MAGI1: variants seen among roughly 807,000 people sequenced by gnomAD.
The protein encoded by MAGI1 is membrane associated guanylate kinase, WW and PDZ domain containing 1, also known as membrane-associated guanylate kinase, WW and PDZ domain-containing protein 1.
Under a neutral mutation model 139.9 loss-of-function variants are expected in MAGI1, and 58 were observed. That is an observed-to-expected ratio of 0.41 (90% CI 0.34 to 0.52). The LOEUF is 0.52. Ranked by LOEUF, MAGI1 falls within the 20% of genes least tolerant of loss-of-function variation. MAGI1 has a pLI of 0.12. For missense variants in MAGI1, 1,874 were observed against 1,901.6 expected, an observed-to-expected ratio of 0.99 and a Z score of 0.27; for synonymous variants, 812 against 737.9, an observed-to-expected ratio of 1.10 and a Z score of -1.63.
chr3:65,832,553 A>G (rs1017741515), intron 1 of MAGI1, among the ~76,000 whole-genome samples: 3 of 152,172 alleles, frequency 2.0e-5, no homozygotes, highest in African/African-American at 7.2e-5. Context: ...AGACTCCTGG[A>G]TGAAGCTAGA....
intron 5 of MAGI1, 177 bp downstream of exon 5, chr3:65,470,106 G>T: frequency 1.1e-5 from 6 of 535,964 alleles, no homozygotes; most frequent in Non-Finnish European, 2.0e-5. Flanking sequence ...GTTGAGAATC[G>T]ATAAGTTGGT....
At chr3:65,523,364 A>G (rs1266395499) in intron 2 of MAGI1, among the ~76,000 whole-genome samples, 6 of 148,214 alleles carry the variant, frequency 4.0e-5, no homozygotes, top group Admixed American at 4.0e-4. Context: ...ACACCATTTA[A>G]TGTGGCAACC....
At chr3:65,601,612 A>G (rs1053018857) in intron 2 of MAGI1, among the ~76,000 whole-genome samples, 2 of 152,196 alleles carry the variant, frequency 1.3e-5, no homozygotes, top group Admixed American at 6.5e-5. Flanking sequence ...CCACCTCCAC[A>G]CCAAACACAA....
At chr3:65,929,509 AT>A (rs1216965663) in intron 1 of MAGI1, among the ~76,000 whole-genome samples, 1 of 151,856 alleles carries the variant, frequency 6.6e-6, no homozygotes, top group African/African-American at 2.4e-5. Flanking sequence ...TAATTTTTGT[AT>A]TTTTAGTAGA....
chr3:65,808,503 A>C (rs1261907429), intron 1 of MAGI1, among the ~76,000 whole-genome samples: 1 of 152,142 alleles, frequency 6.6e-6, no homozygotes, highest in Non-Finnish European at 1.5e-5. Context: ...GTCTCAAAAA[A>C]ACAAATAAAT....
rs1317514186 is a variant in MAGI1 at position 65,353,687 on chromosome 3, C to T, written c.*2691G>A. On this transcript the variant is annotated 3_prime_UTR_variant, in exon 23 of 23. Transcript: ENST00000402939. ...AACGGAGGGAGACAAATTCCTAAAT[C>T]GTTTGATTTCATCATACAAAATACT... The T allele has an allele frequency of 1.3e-5, 2 of 152,064 alleles. No individual in the cohort carries two copies. Among genetic ancestry groups the T allele is most frequent in the African/African-American group, 2.4e-5 (1 of 41,396 alleles). The allele number at this position is 152,064 out of a possible 1,614,324, so 9.4% of individuals were successfully genotyped here.
chr3:65,919,554 C>A (rs1044709589), intron 1 of MAGI1, among the ~76,000 whole-genome samples: 1 of 151,324 alleles, frequency 6.6e-6, no homozygotes, highest in South Asian at 2.1e-4. Flanking sequence ...AGAGCAAGAC[C>A]CTGTCTCAAA....
chr3:65,750,199 A>T (rs1021492347), intron 1 of MAGI1, among the ~76,000 whole-genome samples: 3 of 152,220 alleles, frequency 2.0e-5, no homozygotes, highest in African/African-American at 4.8e-5. Context: ...CCCCAAAGCA[A>T]CCATCCTATA....
At chr3:65,357,993 A>C (rs1940376827) in intron 22 of MAGI1, among the ~76,000 whole-genome samples, 1 of 152,052 alleles carries the variant, frequency 6.6e-6, no homozygotes, top group South Asian at 2.1e-4. Context: ...TACACATTTG[A>C]GATTGGATGG....
intron 1 of MAGI1, among the ~76,000 whole-genome samples, chr3:66,016,877 G>C (rs866209408): frequency 2.0e-5 from 3 of 152,184 alleles, no homozygotes; most frequent in Middle Eastern, 3.2e-3. Context: ...TACACTAATT[G>C]AGATAAGCCA....
At chr3:65,730,798 T>A (rs1176067008) in intron 1 of MAGI1, among the ~76,000 whole-genome samples, 1 of 152,148 alleles carries the variant, frequency 6.6e-6, no homozygotes, top group African/African-American at 2.4e-5. Flanking sequence ...AAAAAAGTAA[T>A]AGTTCATTTT....
intron 1 of MAGI1, among the ~76,000 whole-genome samples, chr3:65,936,435 C>A (rs1014008946): frequency 6.6e-6 from 1 of 151,936 alleles, no homozygotes; most frequent in South Asian, 2.1e-4. Flanking sequence ...GGCAGGAGTT[C>A]GAGACCAGCC....
At chr3:65,992,810 T>A (rs1345641478) in intron 1 of MAGI1, among the ~76,000 whole-genome samples, 1 of 152,122 alleles carries the variant, frequency 6.6e-6, no homozygotes, top group Non-Finnish European at 1.5e-5. Context: ...AATCTGGGCA[T>A]CATTTCGGCT....
intron 1 of MAGI1, among the ~76,000 whole-genome samples, chr3:65,683,749 G>A (rs1022306703): frequency 4.0e-5 from 6 of 151,580 alleles, no homozygotes; most frequent in African/African-American, 1.5e-4. Flanking sequence ...ACCACAATGA[G>A]AGCACTTCAC....
At chr3:65,619,338 A>C (rs1300439213) in intron 2 of MAGI1, among the ~76,000 whole-genome samples, 1 of 152,208 alleles carries the variant, frequency 6.6e-6, no homozygotes. Context: ...GTGTGCTATG[A>C]TGCACATACA....
At chr3:65,801,431 T>A (rs2040506629) in intron 1 of MAGI1, among the ~76,000 whole-genome samples, 1 of 152,198 alleles carries the variant, frequency 6.6e-6, no homozygotes. Flanking sequence ...GTCGCTTAAG[T>A]CTTAGATTCC....
At chr3:65,982,307 C>T (rs1346776425) in intron 1 of MAGI1, among the ~76,000 whole-genome samples, 5 of 152,128 alleles carry the variant, frequency 3.3e-5, no homozygotes, top group South Asian at 4.1e-4. Flanking sequence ...ATCTCTTGGC[C>T]GACATTTGGG....
chr3:66,007,402 C>G (rs1052719068), intron 1 of MAGI1, among the ~76,000 whole-genome samples: 2 of 152,152 alleles, frequency 1.3e-5, no homozygotes, highest in African/African-American at 4.8e-5. Context: ...AGCAGGAAAG[C>G]TGAGCAACAC....
At chr3:65,416,695 C>T (rs151127898) in intron 12 of MAGI1, among the ~76,000 whole-genome samples, 154 of 152,196 alleles carry the variant, frequency 1.0e-3, no homozygotes, top group Non-Finnish European at 1.3e-3. Context: ...CTGAAATAAG[C>T]CCAGGTAACA....
Sources: allele counts gnomAD v4.1 joint callset (sites outside exome capture counted in the v4.1 genomes callset), GRCh38; gene constraint gnomAD v4.1.1; transcripts MANE v1.5; gene names NCBI Gene and HGNC (gene_info 2026-07-23, HGNC 2026-07-21).